CLSTN2: variants seen among roughly 807,000 people sequenced by gnomAD.
CLSTN2 encodes calsyntenin-2.
In CLSTN2, 48 loss-of-function variants were observed where a neutral mutation model predicts 101.2. The ratio of observed to expected loss-of-function variants is 0.47; its 90% CI spans 0.38 to 0.60. The LOEUF is 0.60. CLSTN2 is among the 20% of genes least tolerant of loss of function. The pLI is 0.00. For missense variants in CLSTN2, 1,160 were observed against 1,238.2 expected (o/e 0.94, Z 0.95); for synonymous variants, 481 against 463.6 (o/e 1.04, Z -0.48).
At chr3:140,146,077 C>G (rs992279745) in intron 1 of CLSTN2, among the ~76,000 whole-genome samples, 2 of 152,232 alleles carry the variant, frequency 1.3e-5, no homozygotes, top group Non-Finnish European at 2.9e-5. Flanking sequence ...CCTGAGCCCA[C>G]CTGTCACCCT....
chr3:140,159,994 C>A (rs1040467542), intron 1 of CLSTN2, among the ~76,000 whole-genome samples: 5 of 151,898 alleles, frequency 3.3e-5, no homozygotes, highest in Non-Finnish European at 5.9e-5. Context: ...ACAATAGATA[C>A]TATGGACTAC....
chr3:139,998,035 A>C (rs998174070), intron 1 of CLSTN2, among the ~76,000 whole-genome samples: 1 of 152,200 alleles, frequency 6.6e-6, no homozygotes, highest in Non-Finnish European at 1.5e-5. Context: ...AGTATTAGAA[A>C]AAAACCTTGA....
intron 1 of CLSTN2, among the ~76,000 whole-genome samples, chr3:140,164,356 G>A (rs1248758737): frequency 6.6e-6 from 1 of 152,072 alleles, no homozygotes; most frequent in East Asian, 1.9e-4. Context: ...CCTGATTCCA[G>A]CCTGTAGATA....
intron 2 of CLSTN2, 89 bp from the exon 3 acceptor site, chr3:140,403,540 T>G: frequency 9.0e-7 from 1 of 1,117,140 alleles, no homozygotes; most frequent in Non-Finnish European, 1.3e-6. Flanking sequence ...CATGGAGGCT[T>G]TGAGTTTGTG....
chr3:140,341,834 GA>G (rs2087496662), intron 2 of CLSTN2, among the ~76,000 whole-genome samples: 1 of 152,154 alleles, frequency 6.6e-6, no homozygotes, highest in Non-Finnish European at 1.5e-5. Context: ...TATCCTTAGT[GA>G]ATATATATTT....
intron 2 of CLSTN2, among the ~76,000 whole-genome samples, chr3:140,182,353 G>T (rs549831081): frequency 6.6e-6 from 1 of 152,080 alleles, no homozygotes; most frequent in Non-Finnish European, 1.5e-5. Context: ...CAGCAAAAAT[G>T]ATGAAAGAGG....
At chr3:140,181,345 G>C (rs994846704) in intron 2 of CLSTN2, among the ~76,000 whole-genome samples, 16 of 152,114 alleles carry the variant, frequency 1.1e-4, no homozygotes, top group Non-Finnish European at 2.2e-4. Context: ...GGTAATCAGA[G>C]TAATTGAAAT....
chr3:139,948,252 A>G (rs1162019719), intron 1 of CLSTN2, among the ~76,000 whole-genome samples: 1 of 152,240 alleles, frequency 6.6e-6, no homozygotes, highest in East Asian at 1.9e-4. Context: ...CCCTAGCTTT[A>G]CAATTTGTGT....
At position 139,963,984 on chromosome 3, in the gene CLSTN2, C is replaced by T. The variant is rs189008209; in HGVS notation, c.109+28501C>T. Among the ~76,000 whole-genome samples the T allele has an allele frequency of 6.6e-5, 10 of 152,306 alleles. No homozygotes were observed. In the East Asian group the frequency reaches 1.2e-3, roughly 18 times the overall value. Reference sequence around the variant, plus strand: ...GGGCAGCTCCAGGAGCTGTCTCCCCCACTCTCTCTATTAACTTCACCTTAG... The same window carrying T: ...GGGCAGCTCCAGGAGCTGTCTCCCCTACTCTCTCTATTAACTTCACCTTAG... On this transcript the variant is annotated intron_variant, in intron 1 of 16. Transcript: ENST00000458420.
intron 2 of CLSTN2, among the ~76,000 whole-genome samples, chr3:140,316,084 T>C (rs1559836985): frequency 6.6e-6 from 1 of 152,216 alleles, no homozygotes. Flanking sequence ...GAGTGCTGGC[T>C]GTGCATTGGG....
rs55857773 is a variant in CLSTN2 at position 140,448,209 on chromosome 3, CTGTGTGTGTGTGTG to C, written c.788-289_788-276del. The stretch of plus-strand genomic sequence containing the variant: ...GGCTGGTATATGTTTGAGGGTGTGA[CTGTGTGTGTGTGTG>C]TGTGTGTGTGTGTGTGTGTGCTCAT... On this transcript the variant is annotated intron_variant, in intron 5 of 16. Transcript: ENST00000458420. 2.5e-3 allele frequency among the ~76,000 whole-genome samples: 366 copies of C among 148,410 alleles called. 2 individuals carry two copies. The highest frequency in any genetic ancestry group is 8.5e-3 in the South Asian group (39 of 4,590).
intron 2 of CLSTN2, among the ~76,000 whole-genome samples, chr3:140,336,921 C>T (rs1215855527): frequency 1.3e-5 from 2 of 152,088 alleles, no homozygotes; most frequent in South Asian, 4.2e-4. Flanking sequence ...TGCTCCCATC[C>T]CGCCCCACCT....
At chr3:140,379,324 G>A (rs1044634187) in intron 2 of CLSTN2, among the ~76,000 whole-genome samples, 7 of 152,174 alleles carry the variant, frequency 4.6e-5, no homozygotes, top group Admixed American at 1.3e-4. Context: ...TACACCCAGA[G>A]TACCCTAGGA....
At chr3:140,089,813 T>C (rs1016071745) in intron 1 of CLSTN2, among the ~76,000 whole-genome samples, 7 of 151,414 alleles carry the variant, frequency 4.6e-5, no homozygotes, top group Non-Finnish European at 8.8e-5. Context: ...GGTTTTACCA[T>C]GTTGCCCAGG....
intron 1 of CLSTN2, among the ~76,000 whole-genome samples, chr3:140,080,620 C>T (rs931417289): frequency 3.9e-5 from 6 of 152,152 alleles, no homozygotes; most frequent in Admixed American, 2.0e-4. Flanking sequence ...TCTGCTTCCC[C>T]CTATTATTTT....
chr3:140,292,674 A>G (rs1391505265), intron 2 of CLSTN2, among the ~76,000 whole-genome samples: 1 of 152,202 alleles, frequency 6.6e-6, no homozygotes, highest in African/African-American at 2.4e-5. Flanking sequence ...TTATTAATCA[A>G]ATGACATTAA....
chr3:140,250,488 AG>A (rs1397947454), intron 2 of CLSTN2, among the ~76,000 whole-genome samples: 1 of 152,204 alleles, frequency 6.6e-6, no homozygotes, highest in Non-Finnish European at 1.5e-5. Flanking sequence ...AAGTTTTCAT[AG>A]GGAAAAATGT....
rs185162068 is a variant in CLSTN2 at position 140,393,584 on chromosome 3, G to A, written c.233-10045G>A. ...ACAGAGGTAATCGGACATGGTAAAC[G>A]GCCATTATATTTGTATGGGACTTCT... is the stretch of plus-strand genomic sequence containing the variant. On this transcript the variant is annotated intron_variant, in intron 2 of 16. Transcript: ENST00000458420. 9.2e-5 allele frequency among the ~76,000 whole-genome samples: 14 copies of A among 152,236 alleles called. 1 individual carries two copies. Among genetic ancestry groups the A allele is most frequent in the Admixed American group, 3.3e-4 (5 of 15,308 alleles).
chr3:140,350,133 C>T (rs1344014489), intron 2 of CLSTN2, among the ~76,000 whole-genome samples: 1 of 152,230 alleles, frequency 6.6e-6, no homozygotes, highest in Non-Finnish European at 1.5e-5. Context: ...CTGCCTCTTG[C>T]CTTGTGGCAG....
Sources: allele counts gnomAD v4.1 joint callset (sites outside exome capture counted in the v4.1 genomes callset), GRCh38; gene constraint gnomAD v4.1.1; transcripts MANE v1.5; gene names NCBI Gene and HGNC (gene_info 2026-07-23, HGNC 2026-07-21).